SMTNL2: variants seen among roughly 807,000 people sequenced by gnomAD.
The protein encoded by SMTNL2 is smoothelin-like protein 2.
Under a neutral mutation model 44.1 loss-of-function variants are expected in SMTNL2, and 43 were observed. The ratio of observed to expected loss-of-function variants is 0.98; its 90% CI spans 0.76 to 1.26. SMTNL2 has a LOEUF of 1.26. SMTNL2 is among the 50% of genes most tolerant of loss of function. SMTNL2 has a pLI of 0.00. For synonymous variants in SMTNL2, 317 were observed against 287.6 expected, an observed-to-expected ratio of 1.10 and a Z score of -1.03; for missense variants, 646 against 670.2, an observed-to-expected ratio of 0.96 and a Z score of 0.40.
At chr17:4,602,266 G>A (rs1004550793) in intron 7 of SMTNL2, among the ~76,000 whole-genome samples, 8 of 151,610 alleles carry the variant, frequency 5.3e-5, no homozygotes, top group African/African-American at 1.9e-4. Flanking sequence ...GTCTCTGAGG[G>A]AGAGTGCTCC....
chr17:4,590,918 C>T (rs1051381892), intron 1 of SMTNL2, among the ~76,000 whole-genome samples: 25 of 152,192 alleles, frequency 1.6e-4, no homozygotes, highest in African/African-American at 2.7e-4. Flanking sequence ...GCAGCTTGGG[C>T]GGCAGGGCAC....
intron 1 of SMTNL2, among the ~76,000 whole-genome samples, chr17:4,591,539 C>A (rs12150670): frequency 6.6e-6 from 1 of 152,206 alleles, no homozygotes; most frequent in Non-Finnish European, 1.5e-5. Flanking sequence ...CAGCACCTAC[C>A]GGGGAGGACA....
chr17:4,587,617 A>G (rs7211544), intron 1 of SMTNL2, among the ~76,000 whole-genome samples: 78,099 of 151,972 alleles, frequency 0.51, 22,748 homozygotes, highest in Non-Finnish European at 0.64. Flanking sequence ...GGGTGGGACA[A>G]TCTCATCCCA....
chr17:4,584,624 G>T lies in SMTNL2; in HGVS notation c.19G>T (p.Ala7Ser), dbSNP rs993702801. Residue 7 changes from alanine (A) to serine (S), a missense_variant, in exon 1 of 8, where the codon GCC (alanine) becomes TCC (serine). Ala to Ser is a moderately conservative substitution (Grantham distance 99). Coordinates refer to ENST00000389313, the MANE Select transcript of SMTNL2 (RefSeq NM_001114974.2). ...CTGGGCCATGGAGCCGGCCCCCGAC[G>T]CCCAGGAGGCGCGCACTGTGCGCGA... MEPAPD[A>S]QEARTVREAL... 19 of 1,244,706 alleles carry T rather than the reference G, an allele frequency of 1.5e-5. No homozygotes were observed. The East Asian group carries it at 5.2e-4, about 34-fold the overall frequency. 77.1% of individuals were successfully genotyped at this position (1,244,706 alleles called of 1,614,324 possible). A position where few individuals can be genotyped will look rare whatever the true frequency, so the allele number is the denominator to read the frequency against.
Position 4,585,662 on chromosome 17 carries a change from A to G in SMTNL2, c.399+658A>G, listed in dbSNP as rs116457107. Among the ~76,000 whole-genome samples the G allele has an allele frequency of 2.8e-3, 430 of 152,368 alleles. 3 individuals are homozygous for G. Among genetic ancestry groups the G allele is most frequent in the African/African-American group, 9.9e-3 (410 of 41,590 alleles). On this transcript the variant is annotated intron_variant, in intron 1 of 7. Transcript: ENST00000389313. ...CCACGTGGGGATAGGGCGGAGGCCG[A>G]CGTGGACCAGTCACTACCTTGCGCA...
intron 5 of SMTNL2, 61 bp from the exon 6 acceptor site, chr17:4,596,799 A>G (rs2150523086): frequency 7.3e-7 from 1 of 1,363,692 alleles, no homozygotes; most frequent in Non-Finnish European, 9.6e-7. Flanking sequence ...CCTGCCCCAG[A>G]CCCGCACTGG....
At chr17:4,589,574 G>A (rs955265972) in intron 1 of SMTNL2, among the ~76,000 whole-genome samples, 1 of 152,142 alleles carries the variant, frequency 6.6e-6, no homozygotes, top group African/African-American at 2.4e-5. Flanking sequence ...GAGCTCAGGG[G>A]TCGCCTCCTC....
Position 4,592,016 on chromosome 17 carries a change from G to A in SMTNL2, c.400-345G>A, listed in dbSNP as rs140804424. Among the ~76,000 whole-genome samples the A allele has an allele frequency of 3.4e-3, 520 of 152,310 alleles. 1 individual carries two copies. The highest frequency in any genetic ancestry group is 6.3e-3 in the Non-Finnish European group (431 of 68,020). ...GGCCCAGCTGAGAGGGGCAGGGGGC[G>A]AGGCACTCCTGACCCCATCATCTGG... On this transcript the variant is annotated intron_variant, in intron 1 of 7. Coordinates refer to ENST00000389313, the MANE Select transcript of SMTNL2 (RefSeq NM_001114974.2). This position sits in a 1 kb window ranked among gnomAD's most constrained non-coding sequence, Gnocchi z 4.5.
rs1411281764 is a variant in SMTNL2 at position 4,595,123 on chromosome 17, A to C, written c.807-22A>C. Reference sequence around the variant, plus strand: ...GTGATGGCTGCTGGGCCCAGGTCCCAACTCGGCGATTCTTTCCTCAGCCCA... The same window carrying C: ...GTGATGGCTGCTGGGCCCAGGTCCCCACTCGGCGATTCTTTCCTCAGCCCA... On this transcript the variant is annotated intron_variant, in intron 4 of 7. Coordinates refer to ENST00000389313, the MANE Select transcript of SMTNL2 (RefSeq NM_001114974.2). The surrounding 1 kb of genome is among the most constrained non-coding windows in gnomAD (Gnocchi z 5.1). 6.2e-7 allele frequency: 1 copy of C among 1,612,880 alleles called. No individual in the cohort carries two copies. Among genetic ancestry groups the C allele is most frequent in the Non-Finnish European group, 8.5e-7 (1 of 1,179,956 alleles).
intron 7 of SMTNL2, among the ~76,000 whole-genome samples, chr17:4,599,509 G>A (rs539925630): frequency 5.9e-5 from 9 of 152,236 alleles, no homozygotes; most frequent in Non-Finnish European, 7.4e-5. Flanking sequence ...CTCCAGCGGC[G>A]AGGTCACCCC....
At chr17:4,588,391 C>T (rs1021748777) in intron 1 of SMTNL2, among the ~76,000 whole-genome samples, 5 of 152,236 alleles carry the variant, frequency 3.3e-5, no homozygotes, top group African/African-American at 7.2e-5. Flanking sequence ...TGGGGCACCT[C>T]CCCTTTCTCA....
Position 4,592,844 on chromosome 17 carries a change from A to G in SMTNL2, c.488-85A>G. On this transcript the variant is annotated intron_variant, in intron 2 of 7. Transcript: ENST00000389313. The surrounding 1 kb of genome is among the most constrained non-coding windows in gnomAD (Gnocchi z 4.5). ...CCTAGAGGAGGTGGGAGGAGGGCCCAGGGAGGCTAGAGCCCTCCTGGGAGG... is the reference window on the plus strand; with the variant it reads ...CCTAGAGGAGGTGGGAGGAGGGCCCGGGGAGGCTAGAGCCCTCCTGGGAGG... 6.6e-7 allele frequency: 1 copy of G among 1,521,608 alleles called. No homozygotes were observed. Among genetic ancestry groups the G allele is most frequent in the South Asian group, 1.3e-5 (1 of 79,074 alleles). The allele number at this position is 1,521,608 out of a possible 1,614,324, so 94.3% of individuals were successfully genotyped here.
intron 1 of SMTNL2, among the ~76,000 whole-genome samples, chr17:4,585,324 G>C (rs1440790298): frequency 6.6e-6 from 1 of 152,260 alleles, no homozygotes; most frequent in East Asian, 1.9e-4. Context: ...GCCCCTGACT[G>C]TTCAGCACTG....
At position 4,607,604 on chromosome 17, in the gene SMTNL2, G is replaced by T; in HGVS notation, c.*117G>T. On this transcript the variant is annotated 3_prime_UTR_variant, in exon 8 of 8. Transcript: ENST00000389313. The surrounding 1 kb of genome is among the most constrained non-coding windows in gnomAD (Gnocchi z 4.7). Reference sequence around the variant, plus strand: ...GCCGTTTGGTGTGAGCGCGCTGTTTGTTCTGTGGCATGTGACGGCACTCCC... The same window carrying T: ...GCCGTTTGGTGTGAGCGCGCTGTTTTTTCTGTGGCATGTGACGGCACTCCC... 6 of 1,485,756 alleles carry T rather than the reference G, an allele frequency of 4.0e-6. No individual in the cohort carries two copies. In the South Asian group the frequency reaches 7.9e-5, roughly 19 times the overall value. 92.0% of individuals were successfully genotyped at this position (1,485,756 alleles called of 1,614,324 possible).
chr17:4,592,215 G>T lies in SMTNL2; in HGVS notation c.400-146G>T. The T allele has an allele frequency of 1.3e-6, 1 of 750,214 alleles. No homozygotes were observed. The highest frequency in any genetic ancestry group is 1.6e-5 in the South Asian group (1 of 62,202). The allele number at this position is 750,214 out of a possible 1,614,324, so 46.5% of individuals were successfully genotyped here. A position where few individuals can be genotyped will look rare whatever the true frequency, so the allele number is the denominator to read the frequency against. On this transcript the variant is annotated intron_variant, in intron 1 of 7. Coordinates refer to ENST00000389313, the MANE Select transcript of SMTNL2 (RefSeq NM_001114974.2). This position sits in a 1 kb window ranked among gnomAD's most constrained non-coding sequence, Gnocchi z 4.5. ...ATCCCAGCTTTTGCTGTGTGACTTG[G>T]CCCGTCACTTTCTTCCTGGGGGCTG...
At position 4,595,076 on chromosome 17, in the gene SMTNL2, G is replaced by T; in HGVS notation, c.807-69G>T. The T allele has an allele frequency of 1.2e-6, 2 of 1,605,456 alleles. No individual in the cohort carries two copies. The highest frequency in any genetic ancestry group is 2.2e-5 in the South Asian group (2 of 90,624). On this transcript the variant is annotated intron_variant, in intron 4 of 7. Coordinates refer to ENST00000389313, the MANE Select transcript of SMTNL2 (RefSeq NM_001114974.2). This position sits in a 1 kb window ranked among gnomAD's most constrained non-coding sequence, Gnocchi z 5.1. ...CCTTGTCCACACTCAGTGCAATGGA[G>T]ACCTTGGGGCCTGGTGAGCTAGTGA...
In SMTNL2 at chr17:4,598,978, G is replaced by C. The variant is rs896953693; in HGVS notation, c.1259+1655G>C. Among the ~76,000 whole-genome samples the C allele has an allele frequency of 6.6e-6, 1 of 152,150 alleles. No individual in the cohort carries two copies. The highest frequency in any genetic ancestry group is 2.4e-5 in the African/African-American group (1 of 41,440). On this transcript the variant is annotated intron_variant, in intron 7 of 7. Transcript: ENST00000389313. This position sits in a 1 kb window ranked among gnomAD's most constrained non-coding sequence, Gnocchi z 4.8. The stretch of plus-strand genomic sequence containing the variant: ...CCTGGCCCACCACCCCGGCCCCTGA[G>C]CCTGGCCAGGGAAAGAATCAGAGCC...
chr17:4,601,939 T>C (rs1910053212), intron 7 of SMTNL2, among the ~76,000 whole-genome samples: 1 of 152,144 alleles, frequency 6.6e-6, no homozygotes, highest in African/African-American at 2.4e-5. Context: ...TTTATAAATG[T>C]CAATGCTGAT....
Position 4,598,473 on chromosome 17 carries a change from G to A in SMTNL2, c.1259+1150G>A, listed in dbSNP as rs947231887. 3.9e-5 allele frequency among the ~76,000 whole-genome samples: 6 copies of A among 152,158 alleles called. No individual in the cohort carries two copies. Among genetic ancestry groups the A allele is most frequent in the African/African-American group, 1.2e-4 (5 of 41,440 alleles). On this transcript the variant is annotated intron_variant, in intron 7 of 7. Transcript: ENST00000389313. This position sits in a 1 kb window ranked among gnomAD's most constrained non-coding sequence, Gnocchi z 4.8. ...GTGCCTTGTGTTGTCAGCCTCTGAC[G>A]TCGGTCTACAACCGACCTTGTTTGT...
Sources: gnomAD v4.1 joint callset for allele counts (sites outside exome capture counted in the v4.1 genomes callset) on GRCh38, gnomAD v4.1.1 for gene constraint, Gnocchi (gnomAD v3.1) non-coding constraint, MANE v1.5 for transcripts, NCBI Gene and HGNC (gene_info 2026-07-23, HGNC 2026-07-21) for gene names.